Variants in LRIG1 observed in about 807,000 individuals in gnomAD.
LRIG1 encodes leucine-rich repeats and immunoglobulin-like domains protein 1.
A neutral mutation model predicts 99.2 loss-of-function variants in LRIG1; 48 were observed. That is an observed-to-expected ratio of 0.48 (90% confidence interval 0.38 to 0.62). The LOEUF (loss-of-function observed/expected upper bound fraction) is 0.62, where lower values mean the gene tolerates loss of function less well. Among genes scored for constraint, LRIG1 ranks in the 20% least tolerant of loss-of-function variants. The pLI, the probability that LRIG1 is intolerant of heterozygous loss-of-function variation, is 0.00. For missense variants in LRIG1, 1,646 were observed against 1,434.4 expected (o/e 1.15, Z -2.38); for synonymous variants, 772 against 596.1 (o/e 1.29, Z -4.30).
intron 3 of LRIG1, among the ~76,000 whole-genome samples, chr3:66,428,814 G>A (rs1037926171): frequency 6.6e-6 from 1 of 152,258 alleles, no homozygotes; most frequent in African/African-American, 2.4e-5. Flanking sequence ...CCCAGCCTGG[G>A]TTATTTGCTG....
At chr3:66,493,433 C>T (rs1224358400) in intron 1 of LRIG1, among the ~76,000 whole-genome samples, 2 of 152,166 alleles carry the variant, frequency 1.3e-5, no homozygotes, top group African/African-American at 4.8e-5. Context: ...CTGTTCATAG[C>T]TTCCTGCCTG....
At chr3:66,405,427 C>T in intron 8 of LRIG1, 149 bp from the exon 9 acceptor site, 1 of 679,744 alleles carries the variant, frequency 1.5e-6, no homozygotes, top group South Asian at 1.7e-5. Context: ...AGACACGTGG[C>T]CCTGGGAGGG....
intron 2 of LRIG1, among the ~76,000 whole-genome samples, chr3:66,460,286 A>AATAT (rs2106832886): frequency 6.6e-6 from 1 of 152,326 alleles, no homozygotes; most frequent in African/African-American, 2.4e-5. Flanking sequence ...ACAGAATTTG[A>AATAT]ATATATTCTA....
chr3:66,492,924 T>C (rs902936118), intron 1 of LRIG1, among the ~76,000 whole-genome samples: 2 of 152,170 alleles, frequency 1.3e-5, no homozygotes, highest in Admixed American at 6.5e-5. Context: ...TAGCAAACAG[T>C]AAACAGCTTT....
intron 8 of LRIG1, among the ~76,000 whole-genome samples, chr3:66,406,746 T>C (rs1190951102): frequency 6.6e-6 from 1 of 152,062 alleles, no homozygotes; most frequent in East Asian, 1.9e-4. Flanking sequence ...CCCCATCTAA[T>C]TAGGGACTTC....
intron 3 of LRIG1, among the ~76,000 whole-genome samples, chr3:66,445,992 C>A (rs1703703820): frequency 6.6e-6 from 1 of 152,172 alleles, no homozygotes; most frequent in Admixed American, 6.5e-5. Context: ...TCTCATTATT[C>A]CCCCCAGCCC....
At position 66,395,029 on chromosome 3, in the gene LRIG1, C is replaced by T. The variant is rs560535373; in HGVS notation, c.1305-826G>A. Reference sequence around the variant, plus strand: ...AAGCTTTTTAAACAGAAATCGGAATCGCCATCTCAGCGGACATTCCTTCCT... The same window carrying T: ...AAGCTTTTTAAACAGAAATCGGAATTGCCATCTCAGCGGACATTCCTTCCT... On this transcript the variant is annotated intron_variant, in intron 11 of 18. Transcript: ENST00000273261. Among the ~76,000 whole-genome samples the T allele has an allele frequency of 9.8e-5, 15 of 152,320 alleles. No individual in the cohort carries two copies. In the South Asian group the frequency reaches 1.5e-3, roughly 15 times the overall value.
intron 3 of LRIG1, among the ~76,000 whole-genome samples, chr3:66,426,180 T>G (rs1702976969): frequency 6.6e-6 from 1 of 152,230 alleles, no homozygotes; most frequent in South Asian, 2.1e-4. Context: ...GCCAGCAAAC[T>G]TATTCTACAT....
rs936555396 is a variant in LRIG1, at chr3:66,468,129, A to G, written c.219-5620T>C. 1.3e-4 allele frequency among the ~76,000 whole-genome samples: 20 copies of G among 152,362 alleles called. No individual in the cohort carries two copies. The East Asian group carries it at 3.7e-3, about 28-fold the overall frequency. The stretch of plus-strand genomic sequence containing the variant: ...CTTCCTGGATTACAACCAGAACCAC[A>G]TATTACAAACTTGGCAAATGTTATT... On this transcript the variant is annotated intron_variant, in intron 1 of 18. Transcript: ENST00000273261.
At chr3:66,405,074 CA>C in intron 9 of LRIG1, 123 bp downstream of exon 9, 1 of 801,030 alleles carries the variant, frequency 1.2e-6, no homozygotes, top group Non-Finnish European at 2.1e-6. Context: ...CTGCCCCAAA[CA>C]AAAGCCAGCT....
chr3:66,499,166 T>C (rs1050812782), intron 1 of LRIG1, among the ~76,000 whole-genome samples: 6 of 151,338 alleles, frequency 4.0e-5, no homozygotes, highest in African/African-American at 9.7e-5. Context: ...CCAGATTTGT[T>C]AGAAGTAAAA....
At chr3:66,421,092 A>G (rs896243174) in intron 3 of LRIG1, among the ~76,000 whole-genome samples, 12 of 152,102 alleles carry the variant, frequency 7.9e-5, no homozygotes, top group African/African-American at 2.7e-4. Flanking sequence ...CCATAACTCA[A>G]TCACCTCCCA....
chr3:66,385,579 A>C (rs1701333274), intron 13 of LRIG1, among the ~76,000 whole-genome samples: 2 of 152,132 alleles, frequency 1.3e-5, no homozygotes, highest in Admixed American at 6.5e-5. Flanking sequence ...CAGCCTCCCA[A>C]GTAGCTGGGA....
intron 9 of LRIG1, chr3:66,404,497 G>A: frequency 1.0e-6 from 1 of 1,000,970 alleles, no homozygotes; most frequent in Non-Finnish European, 1.3e-6. Flanking sequence ...GGGCCAAGGG[G>A]AAGGGAACGT....
intron 3 of LRIG1, among the ~76,000 whole-genome samples, chr3:66,430,328 T>C (rs1185266284): frequency 1.3e-5 from 2 of 152,190 alleles, no homozygotes; most frequent in Non-Finnish European, 2.9e-5. Flanking sequence ...AAATGTCGAA[T>C]ACGATGGATT....
rs540678256 is a variant in LRIG1, at chr3:66,409,446, C to A, written c.935+683G>T. Among the ~76,000 whole-genome samples, 283 of 152,296 alleles carry A rather than the reference C, an allele frequency of 1.9e-3. 1 individual carries two copies. The highest frequency in any genetic ancestry group is 6.5e-3 in the African/African-American group (271 of 41,564). The stretch of plus-strand genomic sequence containing the variant: ...TCACTACTAATCTCAGAACTTTGGG[C>A]AAGACAAGCTCAGTTCTCAGTCTCA... On this transcript the variant is annotated intron_variant, in intron 7 of 18. Transcript: ENST00000273261.
chr3:66,399,661 AG>A (rs1310376580), intron 9 of LRIG1, among the ~76,000 whole-genome samples: 1 of 152,170 alleles, frequency 6.6e-6, no homozygotes, highest in African/African-American at 2.4e-5. Flanking sequence ...GTAGCTACTT[AG>A]AAGGCTGAGG....
At chr3:66,436,716 T>C (rs771377010) in intron 3 of LRIG1, among the ~76,000 whole-genome samples, 17 of 152,154 alleles carry the variant, frequency 1.1e-4, no homozygotes, top group Non-Finnish European at 2.4e-4. Flanking sequence ...CTAAACTTCA[T>C]GGATGTGCAT....
intron 7 of LRIG1, among the ~76,000 whole-genome samples, chr3:66,408,204 A>T (rs1222940859): frequency 2.0e-5 from 3 of 151,560 alleles, no homozygotes; most frequent in Admixed American, 2.0e-4. Flanking sequence ...GGGCTGGGGC[A>T]GGGATAGGAA....
Sources: gnomAD v4.1 joint callset for allele counts (sites outside exome capture counted in the v4.1 genomes callset) on GRCh38, gnomAD v4.1.1 for gene constraint, MANE v1.5 for transcripts, NCBI Gene and HGNC (gene_info 2026-07-23, HGNC 2026-07-21) for gene names.